Variants in ZSCAN20 observed in about 807,000 individuals in gnomAD.
ZSCAN20 encodes zinc finger and SCAN domain containing 20.
A neutral mutation model predicts 97.1 loss-of-function variants in ZSCAN20; 39 were observed. That is an observed-to-expected ratio of 0.40 (90% CI 0.31 to 0.52). ZSCAN20 has a LOEUF of 0.52. Ranked by LOEUF, ZSCAN20 falls within the 20% of genes least tolerant of loss-of-function variation. ZSCAN20 has a pLI of 0.49. For synonymous variants in ZSCAN20, 456 were observed against 467.3 expected (o/e 0.98, Z 0.31); for missense variants, 1,115 against 1,290.4 (o/e 0.86, Z 2.08).
chr1:33,487,467 C>T lies in ZSCAN20; in HGVS notation c.418-998C>T, dbSNP rs151188750. On this transcript the variant is annotated intron_variant, in intron 2 of 7. Coordinates refer to ENST00000684572, the MANE Select transcript of ZSCAN20 (RefSeq NM_001377376.1). ...TGGGTAATGTTATTTTAGTTGATTA[C>T]TCCCTTTTATTTTAAATATCTATAT... 4.1e-3 allele frequency among the ~76,000 whole-genome samples: 615 copies of T among 151,326 alleles called. 4 individuals are homozygous for T. Among genetic ancestry groups the T allele is most frequent in the African/African-American group, 0.014 (591 of 41,270 alleles).
chr1:33,473,362 A>C (rs1225511492), intron 1 of ZSCAN20, among the ~76,000 whole-genome samples: 1 of 152,144 alleles, frequency 6.6e-6, no homozygotes, highest in East Asian at 1.9e-4. Context: ...GTTTTCGCAG[A>C]AGCCTTTTCA....
rs1557446666 is a variant in ZSCAN20, at chr1:33,494,552, G to GC, written c.2211dup (p.Tyr738LeufsTer5). 6 of 1,614,044 alleles carry GC rather than the reference G, an allele frequency of 3.7e-6. No individual in the cohort carries two copies. In the South Asian group the frequency reaches 6.6e-5, roughly 18 times the overall value. Reference sequence around the variant, plus strand: ...ATCAGCGAATCCACACAGGTGAGAAGCCCTACAAATGCCTTGAATGTGGAA... The same window carrying GC: ...ATCAGCGAATCCACACAGGTGAGAAGCCCCTACAAATGCCTTGAATGTGGAA... On this transcript the variant is annotated frameshift_variant, in exon 8 of 8. Transcript: ENST00000684572. LOFTEE classifies it high-confidence loss of function.
rs1260219253 is a variant in ZSCAN20 at position 33,500,961 on chromosome 1, A to C, written c.*5485A>C. ...AGTCTTCTCCTTCCACATAGAACACACTTGGCTTCAGTGCTTTGGGGGGAT... is the reference window on the plus strand; with the variant it reads ...AGTCTTCTCCTTCCACATAGAACACCCTTGGCTTCAGTGCTTTGGGGGGAT... On this transcript the variant is annotated 3_prime_UTR_variant, in exon 8 of 8. Transcript: ENST00000684572. Among the ~76,000 whole-genome samples the C allele has an allele frequency of 6.6e-6, 1 of 152,144 alleles. No individual in the cohort carries two copies. The highest frequency in any genetic ancestry group is 1.5e-5 in the Non-Finnish European group (1 of 68,030).
intron 2 of ZSCAN20, among the ~76,000 whole-genome samples, chr1:33,486,659 G>A (rs1176753632): frequency 6.6e-6 from 1 of 152,204 alleles, no homozygotes; most frequent in Non-Finnish European, 1.5e-5. Context: ...CAGAATCTTT[G>A]CTTAGGGATG....
At chr1:33,489,481 A>G in intron 4 of ZSCAN20, 37 bp from the exon 5 acceptor site, 2 of 1,605,414 alleles carry the variant, frequency 1.2e-6, no homozygotes, top group South Asian at 2.2e-5. Context: ...GTCAAAGGTC[A>G]GTGATGTTTG....
intron 2 of ZSCAN20, 30 bp downstream of exon 2, chr1:33,479,735 A>G (rs1441528819): frequency 2.7e-6 from 4 of 1,474,624 alleles, no homozygotes; most frequent in Non-Finnish European, 2.7e-6. Flanking sequence ...CCTGCAGAGG[A>G]GTGGGTCAGG....
chr1:33,492,150 G>C (rs1652644046), intron 6 of ZSCAN20: 1 of 154,144 alleles, frequency 6.5e-6, no homozygotes, highest in South Asian at 2.0e-4. Flanking sequence ...GTGTAGACTT[G>C]AATAATCAAT....
intron 2 of ZSCAN20, 134 bp downstream of exon 2, chr1:33,479,839 G>A: frequency 2.1e-6 from 2 of 973,942 alleles, no homozygotes; most frequent in East Asian, 2.8e-5. Flanking sequence ...GACCACTACT[G>A]TATACCAGGA....
At chr1:33,474,360 T>C (rs997414260) in intron 1 of ZSCAN20, among the ~76,000 whole-genome samples, 9 of 152,208 alleles carry the variant, frequency 5.9e-5, no homozygotes, top group African/African-American at 2.2e-4. Flanking sequence ...TTCCCAGTTT[T>C]TTCTCTTTGG....
At chr1:33,483,306 T>G (rs1652226303) in intron 2 of ZSCAN20, among the ~76,000 whole-genome samples, 1 of 151,768 alleles carries the variant, frequency 6.6e-6, no homozygotes, top group Admixed American at 6.6e-5. Context: ...GTTGAAAATA[T>G]ATTTGCTTCA....
rs36062419 is a variant in ZSCAN20, at chr1:33,500,663, C to CTT, written c.*5202_*5203dup. 4.0e-4 allele frequency among the ~76,000 whole-genome samples: 57 copies of CTT among 141,412 alleles called. 1 individual carries two copies. Among genetic ancestry groups the CTT allele is most frequent in the East Asian group, 1.2e-3 (6 of 4,842 alleles). The allele number at this position is 141,412 out of a possible 152,430, so 92.8% of individuals were successfully genotyped here. A position where few individuals can be genotyped will look rare whatever the true frequency, so the allele number is the denominator to read the frequency against. On this transcript the variant is annotated 3_prime_UTR_variant, in exon 8 of 8. Transcript: ENST00000684572. ...TACATGATACTTATTTCTAAAGTCACTTTTTTTTTTTTTTTTACATTTTCA... is the reference window on the plus strand; with the variant it reads ...TACATGATACTTATTTCTAAAGTCACTTTTTTTTTTTTTTTTTTACATTTTCA...
Position 33,493,763 on chromosome 1 carries a change from T to C in ZSCAN20, c.1873+148T>C, listed in dbSNP as rs1652723324. 1.1e-6 allele frequency: 1 copy of C among 892,418 alleles called. No homozygotes were observed. The highest frequency in any genetic ancestry group is 1.9e-5 in the South Asian group (1 of 51,612). 55.3% of individuals were successfully genotyped at this position (892,418 alleles called of 1,614,324 possible). Reference sequence around the variant, plus strand: ...TTTCTGCTTTGCTCAGATTATCCAGTCTCTAGCTTTGTGTGATCCCCCGAA... The same window carrying C: ...TTTCTGCTTTGCTCAGATTATCCAGCCTCTAGCTTTGTGTGATCCCCCGAA... On this transcript the variant is annotated intron_variant, in intron 7 of 7. Coordinates refer to ENST00000684572, the MANE Select transcript of ZSCAN20 (RefSeq NM_001377376.1). This position sits in a 1 kb window ranked among gnomAD's most constrained non-coding sequence, Gnocchi z 4.3.
chr1:33,491,550 GGTATAGT>G lies in ZSCAN20; in HGVS notation c.1294_1300del (p.Tyr432ThrfsTer135). ...GAGGCCGTGGCACTTCCCAGGCTCGGGTATAGTGACGCAGAGATGGATGAGCAGGAGG... is the reference window on the plus strand; with the variant it reads ...GAGGCCGTGGCACTTCCCAGGCTCGGGACGCAGAGATGGATGAGCAGGAGG... On this transcript the variant is annotated frameshift_variant, in exon 6 of 8. Coordinates refer to ENST00000684572, the MANE Select transcript of ZSCAN20 (RefSeq NM_001377376.1). LOFTEE classifies it high-confidence loss of function. The surrounding 1 kb of genome is among the most constrained non-coding windows in gnomAD (Gnocchi z 4.3). The G allele has an allele frequency of 6.2e-7, 1 of 1,614,124 alleles. No homozygotes were observed. The highest frequency in any genetic ancestry group is 1.3e-5 in the African/African-American group (1 of 75,034).
Position 33,499,401 on chromosome 1 carries a change from C to T in ZSCAN20, c.*3925C>T, listed in dbSNP as rs1652984563. 6.6e-6 allele frequency among the ~76,000 whole-genome samples: 1 copy of T among 152,130 alleles called. No homozygotes were observed. Among genetic ancestry groups the T allele is most frequent in the Non-Finnish European group, 1.5e-5 (1 of 68,018 alleles). On this transcript the variant is annotated 3_prime_UTR_variant, in exon 8 of 8. Coordinates refer to ENST00000684572, the MANE Select transcript of ZSCAN20 (RefSeq NM_001377376.1). ...TCTTCTGTGTAGATGCTAATGACTTCCAGATCTGTGTCCTGCTGTGGCCTC... is the reference window on the plus strand; with the variant it reads ...TCTTCTGTGTAGATGCTAATGACTTTCAGATCTGTGTCCTGCTGTGGCCTC...
At chr1:33,479,827 T>C (rs1652078235) in intron 2 of ZSCAN20, 122 bp downstream of exon 2, 6 of 1,074,518 alleles carry the variant, frequency 5.6e-6, no homozygotes, top group Non-Finnish European at 7.8e-6. Context: ...CTGACACTTA[T>C]TGACCACTAC....
At position 33,495,192 on chromosome 1, in the gene ZSCAN20, C is replaced by G; in HGVS notation, c.2848C>G (p.Gln950Glu). 6.2e-7 allele frequency: 1 copy of G among 1,614,018 alleles called. No homozygotes were observed. The highest frequency in any genetic ancestry group is 8.5e-7 in the Non-Finnish European group (1 of 1,179,966). ...FSERSKLITH[Q>E]RVHTGEKPYK... Reference sequence around the variant, plus strand: ...TGAGCGCTCCAAGCTCATCACACACCAGAGAGTGCACACAGGAGAGAAGCC... The same window carrying G: ...TGAGCGCTCCAAGCTCATCACACACGAGAGAGTGCACACAGGAGAGAAGCC... Residue 950 changes from glutamine to glutamate, a missense_variant, in exon 8 of 8, where the codon CAG becomes GAG. This residue lies in a region of ZSCAN20 where 554 missense variants were observed against 584.9 expected (regional missense o/e 0.95). Transcript: ENST00000684572.
chr1:33,489,692 T>C, intron 5 of ZSCAN20, 90 bp downstream of exon 5: 2 of 1,189,090 alleles, frequency 1.7e-6, no homozygotes, highest in Non-Finnish European at 1.2e-6. Flanking sequence ...TTAAGAATCA[T>C]GGCTCTGCAG....
intron 1 of ZSCAN20, among the ~76,000 whole-genome samples, chr1:33,474,129 G>C (rs1651834737): frequency 6.6e-6 from 1 of 152,188 alleles, no homozygotes; most frequent in Non-Finnish European, 1.5e-5. Flanking sequence ...CTGTGTCCCT[G>C]GCAGTCATGG....
rs984396356 is a variant in ZSCAN20 at position 33,498,667 on chromosome 1, G to C, written c.*3191G>C. ...AGTTTCTCAGCCTTCCTGGCCACAG[G>C]TCAGACCCTGGTTATGGAAAACCAA... On this transcript the variant is annotated 3_prime_UTR_variant, in exon 8 of 8. Transcript: ENST00000684572. Among the ~76,000 whole-genome samples, 2 of 152,202 alleles carry C rather than the reference G, an allele frequency of 1.3e-5. No homozygotes were observed. The highest frequency in any genetic ancestry group is 4.8e-5 in the African/African-American group (2 of 41,448).
Sources: gnomAD v4.1 joint callset for allele counts (sites outside exome capture counted in the v4.1 genomes callset) on GRCh38, gnomAD v4.1.1 for gene constraint, gnomAD v4.1.1 regional missense constraint, Gnocchi (gnomAD v3.1) non-coding constraint, MANE v1.5 for transcripts, NCBI Gene and HGNC (gene_info 2026-07-23, HGNC 2026-07-21) for gene names.